FANCB: variants seen among roughly 807,000 people sequenced by gnomAD.
FANCB encodes Fanconi anemia group B protein.
In FANCB, 5 loss-of-function variants were observed where a neutral mutation model predicts 38.9. The observed-to-expected ratio is 0.13, with a 90% CI of 0.07 to 0.27. The LOEUF (loss-of-function observed/expected upper bound fraction) is 0.27. Among genes scored for constraint, FANCB ranks in the 10% least tolerant of loss-of-function variants. FANCB has a pLI of 1.00. For missense variants in FANCB, 573 were observed against 602.7 expected (o/e 0.95, Z 0.52); for synonymous variants, 236 against 215.4 (o/e 1.10, Z -0.84).
At chrX:14,759,653 T>C in the FANCB span, among the ~76,000 whole-genome samples, 51,954 of 109,986 alleles carry the variant, frequency 0.47, 9,545 homozygotes, top group Non-Finnish European at 0.58. Flanking sequence ...ATACAGTCTT[T>C]AATGCTGAAA....
the FANCB span, among the ~76,000 whole-genome samples, chrX:14,746,982 C>T: frequency 8.9e-6 from 1 of 111,799 alleles, no homozygotes; most frequent in Non-Finnish European, 1.9e-5. Flanking sequence ...TTCTACCCAA[C>T]TCAGTGGTTT....
chrX:14,823,021 G>A, the FANCB span, among the ~76,000 whole-genome samples: 9 of 108,325 alleles, frequency 8.3e-5, no homozygotes, highest in African/African-American at 3.0e-4. Context: ...GATTAATATC[G>A]CTATGCTAGT....
At chrX:14,840,162 A>AT (rs926326223), downstream of FANCB, among the ~76,000 whole-genome samples, 6 of 109,067 alleles carry the variant, frequency 5.5e-5, no homozygotes, top group Non-Finnish European at 1.2e-4. Flanking sequence ...CGGCCAAGGA[A>AT]TTTTTTTTTT....
the FANCB span, among the ~76,000 whole-genome samples, chrX:14,811,851 C>A: frequency 8.9e-6 from 1 of 111,859 alleles, no homozygotes; most frequent in African/African-American, 3.3e-5. Flanking sequence ...CCCAAATCAA[C>A]AGAATATACA....
At chrX:14,764,135 T>A in the FANCB span, among the ~76,000 whole-genome samples, 1 of 111,773 alleles carries the variant, frequency 8.9e-6, no homozygotes, top group African/African-American at 3.3e-5. Context: ...ATTAGCTGGG[T>A]CCTCTGTTTT....
the FANCB span, among the ~76,000 whole-genome samples, chrX:14,756,663 T>C: frequency 1.8e-5 from 2 of 111,555 alleles, no homozygotes; most frequent in African/African-American, 6.5e-5. Flanking sequence ...CCAATAAATA[T>C]GAAGGGCTGA....
intron 1 of FANCB, among the ~76,000 whole-genome samples, chrX:14,872,380 T>C (rs2092502600): frequency 8.9e-6 from 1 of 112,385 alleles, no homozygotes; most frequent in Admixed American, 9.4e-5. Flanking sequence ...GCAACTATTT[T>C]CTTTCAATTG....
chrX:14,805,155 T>C, the FANCB span, among the ~76,000 whole-genome samples: 1 of 111,258 alleles, frequency 9.0e-6, no homozygotes, highest in East Asian at 2.8e-4. Context: ...CCACCACTTC[T>C]CCCTGAGCCC....
At chrX:14,728,228 A>G in the FANCB span, among the ~76,000 whole-genome samples, 1 of 110,097 alleles carries the variant, frequency 9.1e-6, no homozygotes, top group Non-Finnish European at 1.9e-5. Flanking sequence ...GTCTCTACAA[A>G]AAGTTAAACA....
chrX:14,775,171 T>TTTTTTG, the FANCB span, among the ~76,000 whole-genome samples: 1 of 95,414 alleles, frequency 1.0e-5, no homozygotes, highest in African/African-American at 3.8e-5. Flanking sequence ...TTTTTTTTTT[T>TTTTTTG]TTTTTTTTTT....
At chrX:14,825,853 T>G in the FANCB span, among the ~76,000 whole-genome samples, 2 of 112,349 alleles carry the variant, frequency 1.8e-5, no homozygotes, top group African/African-American at 3.2e-5. Context: ...CAATCAGAAT[T>G]TGTGCTTAAT....
At chrX:14,810,501 G>A in the FANCB span, among the ~76,000 whole-genome samples, 14 of 112,308 alleles carry the variant, frequency 1.2e-4, no homozygotes, top group African/African-American at 3.9e-4. Context: ...GCCAAGGCTC[G>A]AGAACTACGC....
the FANCB span, among the ~76,000 whole-genome samples, chrX:14,815,250 C>T: frequency 9.1e-6 from 1 of 109,877 alleles, no homozygotes; most frequent in Non-Finnish European, 1.9e-5. Flanking sequence ...AGCAAGCCAA[C>T]ATGGCACATG....
chrX:14,844,243 A>T (rs767996684), intron 9 of FANCB, among the ~76,000 whole-genome samples: 184 of 111,363 alleles, frequency 1.7e-3, no homozygotes, highest in Non-Finnish European at 2.9e-3. Flanking sequence ...ATATTTTTTT[A>T]AATTTTACTG....
In FANCB at chrX:14,853,022, C is replaced by A; in HGVS notation, c.1326+17G>T. On this transcript the variant is annotated intron_variant, in intron 6 of 9. Transcript: ENST00000650831. ...TCAATTCATAAAATGATAAAATGGT[C>A]ACATGATTACTTTTACCTCCTCTGC... 8.5e-7 allele frequency: 1 copy of A among 1,183,212 alleles called. No homozygotes were observed. The highest frequency in any genetic ancestry group is 1.8e-5 in the South Asian group (1 of 54,982).
the FANCB span, among the ~76,000 whole-genome samples, chrX:14,699,419 T>C: frequency 2.7e-5 from 3 of 112,090 alleles, no homozygotes; most frequent in Non-Finnish European, 5.6e-5. Context: ...TAATGACAAG[T>C]TGCCTTTTAC....
intron 10 of FANCB, among the ~76,000 whole-genome samples, chrX:14,837,763 T>C (rs930156106): frequency 8.9e-6 from 1 of 112,588 alleles, no homozygotes; most frequent in Non-Finnish European, 1.9e-5. Context: ...AATAGCATAG[T>C]GGTGAAAGAG....
At chrX:14,803,161 A>C in the FANCB span, among the ~76,000 whole-genome samples, 2 of 112,444 alleles carry the variant, frequency 1.8e-5, no homozygotes, top group African/African-American at 6.5e-5. Flanking sequence ...AGTATATGAC[A>C]ATCAAGTTTC....
chrX:14,798,136 T>G, the FANCB span, among the ~76,000 whole-genome samples: 46 of 94,429 alleles, frequency 4.9e-4, 1 homozygote, highest in East Asian at 0.012. Flanking sequence ...TTTGTTTTTG[T>G]TTTTTTTTTG....
Sources: gnomAD v4.1 joint callset for allele counts (sites outside exome capture counted in the v4.1 genomes callset) on GRCh38, gnomAD v4.1.1 for gene constraint, MANE v1.5 for transcripts, NCBI Gene and HGNC (gene_info 2026-07-23, HGNC 2026-07-21) for gene names.